The following NIPAL3 variants were observed in gnomAD, a reference collection of about 807,000 sequenced individuals.
NIPAL3 encodes NIPA like domain containing 3.
Under a neutral mutation model 47.2 loss-of-function variants are expected in NIPAL3, and 41 were observed. The observed-to-expected ratio is 0.87, with a 90% CI of 0.68 to 1.13. The LOEUF is 1.13. NIPAL3 is among the 50% of genes most tolerant of loss of function. The pLI, the probability that NIPAL3 is intolerant of heterozygous loss-of-function variation, is 0.00. For synonymous variants in NIPAL3, 194 were observed against 209.6 expected, an observed-to-expected ratio of 0.93 and a Z score of 0.64; for missense variants, 449 against 530.1, an observed-to-expected ratio of 0.85 and a Z score of 1.50.
Position 24,419,406 on chromosome 1 carries a change from G to C in NIPAL3, c.-142G>C. 1 of 1,367,428 alleles carries C rather than the reference G, an allele frequency of 7.3e-7. No homozygotes were observed. Among genetic ancestry groups the C allele is most frequent in the East Asian group, 2.9e-5 (1 of 34,052 alleles). The allele number at this position is 1,367,428 out of a possible 1,614,324, so 84.7% of individuals were successfully genotyped here. On this transcript the variant is annotated 5_prime_UTR_variant, in exon 2 of 12. The change abolishes the stop of an existing upstream ORF in the 5' untranslated region. Coordinates refer to ENST00000374399, the MANE Select transcript of NIPAL3 (RefSeq NM_020448.5). The stretch of plus-strand genomic sequence containing the variant: ...GCTGTAAATCTGCCAAAACAGCCTT[G>C]AAGTATTCTTTTGTCATGAGGAAGT...
At chr1:24,457,709 C>T in intron 8 of NIPAL3, 1 of 531,204 alleles carries the variant, frequency 1.9e-6, no homozygotes, top group Non-Finnish European at 3.9e-6. Flanking sequence ...GCCCTCACTG[C>T]TCTGCTCTTC....
chr1:24,457,890 T>C, intron 8 of NIPAL3: 2 of 495,640 alleles, frequency 4.0e-6, no homozygotes, highest in Non-Finnish European at 8.3e-6. Context: ...TTGGTTATTA[T>C]TTTTGGTCCC....
chr1:24,424,677 T>G (rs1224066766), intron 2 of NIPAL3, among the ~76,000 whole-genome samples: 1 of 152,148 alleles, frequency 6.6e-6, no homozygotes, highest in East Asian at 1.9e-4. Flanking sequence ...CAATGGGGCT[T>G]GGAAGGTTCT....
chr1:24,436,634 G>A (rs779919231), intron 2 of NIPAL3, among the ~76,000 whole-genome samples: 17 of 150,582 alleles, frequency 1.1e-4, no homozygotes, highest in African/African-American at 4.2e-4. Flanking sequence ...GATTATAGGC[G>A]CCCACCACCA....
chr1:24,415,948 C>T, intron 1 of NIPAL3, 44 bp downstream of exon 1: 1 of 984,618 alleles, frequency 1.0e-6, no homozygotes, highest in Non-Finnish European at 1.2e-6. Context: ...TTGAATTTAA[C>T]CTTCGTTTTT....
chr1:24,447,449 C>T (rs1044499019), intron 5 of NIPAL3, among the ~76,000 whole-genome samples: 4 of 151,430 alleles, frequency 2.6e-5, no homozygotes, highest in African/African-American at 9.7e-5. Context: ...AGAAAATTTC[C>T]AAGATGTTGT....
chr1:24,457,645 C>A, intron 8 of NIPAL3: 1 of 464,496 alleles, frequency 2.2e-6, no homozygotes. Flanking sequence ...GAGTAAGAGG[C>A]TAGAAAGTGG....
chr1:24,432,712 C>T (rs1275682378), intron 2 of NIPAL3, among the ~76,000 whole-genome samples: 2 of 152,174 alleles, frequency 1.3e-5, no homozygotes, highest in African/African-American at 4.8e-5. Context: ...TAGTACCTGC[C>T]TTAAAAGGTT....
intron 11 of NIPAL3, among the ~76,000 whole-genome samples, chr1:24,467,333 G>A (rs1229861728): frequency 6.6e-6 from 1 of 152,120 alleles, no homozygotes; most frequent in Non-Finnish European, 1.5e-5. Flanking sequence ...AGCTGTGCGT[G>A]GTGGCGGGTG....
In NIPAL3 at chr1:24,453,517, C is replaced by T; in HGVS notation, c.637+13C>T. On this transcript the variant is annotated intron_variant, in intron 7 of 11. Transcript: ENST00000374399. ...GTGGCGTTACTTGGTAAGTTGGCAT[C>T]TGGATGATTGAGTTTTGCCACCACC... 2.5e-6 allele frequency: 4 copies of T among 1,605,406 alleles called. No homozygotes were observed. The South Asian group carries it at 4.4e-5, about 18-fold the overall frequency.
intron 2 of NIPAL3, among the ~76,000 whole-genome samples, chr1:24,428,262 G>C (rs1031725819): frequency 1.1e-4 from 6 of 55,396 alleles, no homozygotes; most frequent in African/African-American, 6.1e-4. Context: ...AAAAGAAAGA[G>C]AGAGAGAGAG....
intron 5 of NIPAL3, among the ~76,000 whole-genome samples, chr1:24,448,198 CAA>C (rs1411739820): frequency 6.6e-5 from 10 of 152,150 alleles, no homozygotes; most frequent in African/African-American, 1.7e-4. Flanking sequence ...ATGAAATAGG[CAA>C]AGTTAGTTCT....
chr1:24,454,652 C>A lies in NIPAL3; in HGVS notation c.637+1148C>A. ...TTTCATAGAGTTGTGAAACCATCATCCTAATCTAATTTTAGAACATTTTGT... is the reference window on the plus strand; with the variant it reads ...TTTCATAGAGTTGTGAAACCATCATACTAATCTAATTTTAGAACATTTTGT... On this transcript the variant is annotated intron_variant, in intron 7 of 11. Coordinates refer to ENST00000374399, the MANE Select transcript of NIPAL3 (RefSeq NM_020448.5). This position sits in a 1 kb window ranked among gnomAD's most constrained non-coding sequence, Gnocchi z 4.1. 1.4e-6 allele frequency: 1 copy of A among 696,622 alleles called. No individual in the cohort carries two copies. The highest frequency in any genetic ancestry group is 1.8e-6 in the Non-Finnish European group (1 of 566,486). 43.2% of individuals were successfully genotyped at this position (696,622 alleles called of 1,614,324 possible). A position where few individuals can be genotyped will look rare whatever the true frequency, so the allele number is the denominator to read the frequency against.
At chr1:24,460,635 C>T in intron 10 of NIPAL3, 91 bp downstream of exon 10, 1 of 1,083,682 alleles carries the variant, frequency 9.2e-7, no homozygotes, top group Admixed American at 3.4e-5. Context: ...TACAGCCGCC[C>T]CATCCTTTAG....
chr1:24,466,120 A>G (rs1373334516), intron 11 of NIPAL3: 3 of 1,597,728 alleles, frequency 1.9e-6, no homozygotes, highest in South Asian at 2.3e-5. Context: ...ACTTCTTAAA[A>G]ATGAGATCGA....
rs939160359 is a variant in NIPAL3, at chr1:24,471,255, A to C, written c.*2070A>C. 5 of 152,452 alleles carry C rather than the reference A, an allele frequency of 3.3e-5. No homozygotes were observed. Among genetic ancestry groups the C allele is most frequent in the African/African-American group, 1.2e-4 (5 of 41,468 alleles). The allele number at this position is 152,452 out of a possible 1,614,324, so 9.4% of individuals were successfully genotyped here. A position where few individuals can be genotyped will look rare whatever the true frequency, so the allele number is the denominator to read the frequency against. On this transcript the variant is annotated 3_prime_UTR_variant, in exon 12 of 12. Transcript: ENST00000374399. ...TGGGCAAAGAAAGGAAAGCCAGGGA[A>C]GGTGGTGGGAGATGAGTCTCAAAGC... is the stretch of plus-strand genomic sequence containing the variant.
chr1:24,449,622 A>G lies in NIPAL3; in HGVS notation c.536A>G (p.Tyr179Cys), dbSNP rs769783831. ...RHLVSWPFLL[Y>C]MLVEIILFCL... ...CTCGTGAGCTGGCCTTTCCTTTTGT[A>G]CATGGTAAGAGAAGCCTCCAGTCGT... is the stretch of plus-strand genomic sequence containing the variant. Residue 179 changes from tyrosine (Y) to cysteine (C), a missense_variant, in exon 6 of 12, where the codon TAC (tyrosine) becomes TGC (cysteine). By Grantham distance (194) the Tyr-to-Cys change is radical (BLOSUM62 -2). Transcript: ENST00000374399. This position sits in a 1 kb window ranked among gnomAD's most constrained non-coding sequence, Gnocchi z 4.5. The G allele has an allele frequency of 1.2e-5, 20 of 1,613,140 alleles. No homozygotes were observed. The highest frequency in any genetic ancestry group is 1.7e-5 in the Non-Finnish European group (20 of 1,179,876).
intron 3 of NIPAL3, among the ~76,000 whole-genome samples, 169 bp from the exon 4 acceptor site, chr1:24,441,886 C>T (rs1399705775): frequency 6.6e-6 from 1 of 152,132 alleles, no homozygotes; most frequent in Non-Finnish European, 1.5e-5. Context: ...GAATTTAGAT[C>T]TAGTATTTAG....
intron 2 of NIPAL3, among the ~76,000 whole-genome samples, chr1:24,438,180 C>T (rs1645210053): frequency 6.6e-6 from 1 of 152,214 alleles, no homozygotes; most frequent in African/African-American, 2.4e-5. Context: ...AGCCTTTTAG[C>T]TCTGAGATCC....
Sources: gnomAD v4.1 joint callset for allele counts (sites outside exome capture counted in the v4.1 genomes callset) on GRCh38, gnomAD v4.1.1 for gene constraint, Gnocchi (gnomAD v3.1) non-coding constraint, MANE v1.5 for transcripts, NCBI Gene and HGNC (gene_info 2026-07-23, HGNC 2026-07-21) for gene names.